The following RALYL variants were observed in gnomAD, a reference collection of about 807,000 sequenced individuals.
RALYL encodes the protein RALY RNA binding protein like, also known as RNA-binding Raly-like protein.
RALYL carries 29 observed loss-of-function variants against 35.1 expected under a neutral mutation model. The ratio of observed to expected loss-of-function variants is 0.83; its 90% CI spans 0.61 to 1.13. RALYL has a LOEUF of 1.13. Among genes scored for constraint, RALYL ranks in the 50% most tolerant of loss-of-function variants. RALYL has a pLI of 0.00. For missense variants in RALYL, 359 were observed against 360.4 expected (o/e 1.00, Z 0.03); for synonymous variants, 120 against 127.6 (o/e 0.94, Z 0.40).
intron 1 of RALYL, among the ~76,000 whole-genome samples, chr8:84,309,641 C>T (rs1026717390): frequency 2.6e-5 from 4 of 151,614 alleles, no homozygotes; most frequent in East Asian, 1.9e-4. Flanking sequence ...AGAAGTTAAA[C>T]GAAATAAGCA....
At chr8:84,538,952 T>G (rs531326919) in intron 2 of RALYL, among the ~76,000 whole-genome samples, 1 of 152,202 alleles carries the variant, frequency 6.6e-6, no homozygotes, top group Non-Finnish European at 1.5e-5. Flanking sequence ...GGATTTGAAT[T>G]TAACTGTTAC....
At chr8:84,816,986 T>TTATTATATTTATCTCTA (rs1306869209) in intron 4 of RALYL, among the ~76,000 whole-genome samples, 5 of 152,078 alleles carry the variant, frequency 3.3e-5, no homozygotes, top group African/African-American at 4.8e-5. Context: ...CAGAATTATT[T>TTATTATATTTATCTCTA]TATTATATTT....
intron 4 of RALYL, among the ~76,000 whole-genome samples, chr8:84,847,355 C>T (rs1834878402): frequency 6.6e-6 from 1 of 152,212 alleles, no homozygotes; most frequent in Non-Finnish European, 1.5e-5. Flanking sequence ...TGGCACTTGG[C>T]ATCCCCATGC....
At chr8:84,706,942 G>A (rs998715815) in intron 2 of RALYL, among the ~76,000 whole-genome samples, 18 of 151,922 alleles carry the variant, frequency 1.2e-4, no homozygotes, top group East Asian at 3.9e-4. Context: ...GACAGGTAAC[G>A]GCAACTTACT....
intron 1 of RALYL, among the ~76,000 whole-genome samples, chr8:84,259,206 A>G (rs1043765222): frequency 2.6e-5 from 4 of 152,192 alleles, no homozygotes; most frequent in South Asian, 2.1e-4. Context: ...ATTACTAATA[A>G]TTAGAGCTGT....
chr8:84,899,085 T>G (rs551454962), intron 8 of RALYL, among the ~76,000 whole-genome samples: 20 of 152,304 alleles, frequency 1.3e-4, no homozygotes, highest in Middle Eastern at 3.4e-3. Context: ...CACCGTGTCA[T>G]GACTCCATGC....
At chr8:84,517,371 G>A (rs2058144814) in intron 1 of RALYL, among the ~76,000 whole-genome samples, 1 of 152,190 alleles carries the variant, frequency 6.6e-6, no homozygotes, top group Non-Finnish European at 1.5e-5. Context: ...AAAGATACCT[G>A]TAGAATCACA....
chr8:84,670,530 A>T (rs186828896), intron 2 of RALYL, among the ~76,000 whole-genome samples: 145 of 152,334 alleles, frequency 9.5e-4, no homozygotes, highest in African/African-American at 3.2e-3. Flanking sequence ...ATTTATAAAG[A>T]AAAAGAGGTT....
At chr8:84,788,971 A>G (rs545412036) in intron 3 of RALYL, among the ~76,000 whole-genome samples, 4 of 152,204 alleles carry the variant, frequency 2.6e-5, no homozygotes, top group African/African-American at 4.8e-5. Flanking sequence ...GTGCCTGCCT[A>G]ATAATAACTG....
chr8:84,184,795 G>A, intron 1 of RALYL: 1 of 610,318 alleles, frequency 1.6e-6, no homozygotes, highest in Non-Finnish European at 2.9e-6. Flanking sequence ...AGCAGGAGGG[G>A]CGAGGGCCGT....
intron 2 of RALYL, among the ~76,000 whole-genome samples, chr8:84,695,237 C>T (rs948100037): frequency 5.3e-5 from 8 of 151,650 alleles, no homozygotes; most frequent in African/African-American, 1.9e-4. Context: ...TGTCACTAAC[C>T]TGTTCATGTC....
rs1563913604 is a variant in RALYL, at chr8:84,428,102, TCTCTCACACACACACACACACA to T, written c.-23-101195_-23-101174del. Among the ~76,000 whole-genome samples, 221 of 131,244 alleles carry T rather than the reference TCTCTCACACACACACACACACA, an allele frequency of 1.7e-3. 2 individuals carry two copies. Among genetic ancestry groups the T allele is most frequent in the African/African-American group, 5.7e-3 (180 of 31,374 alleles). The allele number at this position is 131,244 out of a possible 152,430, so 86.1% of individuals were successfully genotyped here. On this transcript the variant is annotated intron_variant, in intron 1 of 8. Transcript: ENST00000521268. ...GTCTCTCTCTCTCTCTCTCTCTCTC[TCTCTCACACACACACACACACA>T]CACACACACACACACACACGTGGTT... is the stretch of plus-strand genomic sequence containing the variant.
rs576774768 is a variant in RALYL, at chr8:84,839,907, C to T, written c.366-10073C>T. Among the ~76,000 whole-genome samples the T allele has an allele frequency of 6.3e-4, 96 of 152,304 alleles. 1 individual carries two copies. In the South Asian group the frequency reaches 0.019, roughly 30 times the overall value. Reference sequence around the variant, plus strand: ...CTCCAACAGACCTGCAGCTGAGGGTCCTGACTGTTAGAAGGAAAACTAACA... The same window carrying T: ...CTCCAACAGACCTGCAGCTGAGGGTTCTGACTGTTAGAAGGAAAACTAACA... On this transcript the variant is annotated intron_variant, in intron 4 of 8. Coordinates refer to ENST00000521268, the MANE Select transcript of RALYL (RefSeq NM_173848.7).
At chr8:84,650,602 G>A (rs1275778245) in intron 2 of RALYL, among the ~76,000 whole-genome samples, 3 of 151,970 alleles carry the variant, frequency 2.0e-5, no homozygotes. Context: ...GGAGAAATAG[G>A]AGCACTTTTA....
At chr8:84,861,877 C>T (rs906374392) in intron 5 of RALYL, among the ~76,000 whole-genome samples, 2 of 152,148 alleles carry the variant, frequency 1.3e-5, no homozygotes, top group African/African-American at 4.8e-5. Flanking sequence ...AAGATCTTTT[C>T]CTCTTTTAAA....
chr8:84,458,893 T>C (rs904074568), intron 1 of RALYL, among the ~76,000 whole-genome samples: 2 of 151,758 alleles, frequency 1.3e-5, no homozygotes, highest in African/African-American at 4.8e-5. Flanking sequence ...CAGATCACCT[T>C]CTGTCTTAGA....
In RALYL at chr8:84,222,698, T is replaced by C. The variant is rs140465512; in HGVS notation, c.-24+38274T>C. On this transcript the variant is annotated intron_variant, in intron 1 of 8. Coordinates refer to ENST00000521268, the MANE Select transcript of RALYL (RefSeq NM_173848.7). ...GGGTGTATTAAGTCACTTTGGCCAA[T>C]AGTAATCTGGTTCTTGCTGCATGCA... Among the ~76,000 whole-genome samples the C allele has an allele frequency of 4.1e-3, 623 of 152,146 alleles. 5 individuals are homozygous for C. Among genetic ancestry groups the C allele is most frequent in the African/African-American group, 0.014 (599 of 41,544 alleles).
chr8:84,527,437 T>A (rs2058983030), intron 1 of RALYL, among the ~76,000 whole-genome samples: 1 of 152,204 alleles, frequency 6.6e-6, no homozygotes, highest in South Asian at 2.1e-4. Context: ...TTTTAACCAA[T>A]GTATATCTGT....
intron 8 of RALYL, among the ~76,000 whole-genome samples, chr8:84,912,686 C>T (rs1031526951): frequency 6.6e-6 from 1 of 152,038 alleles, no homozygotes; most frequent in Non-Finnish European, 1.5e-5. Flanking sequence ...CTAAAAGTAA[C>T]TCCCACCAAG....
Sources: gnomAD v4.1 joint callset for allele counts (sites outside exome capture counted in the v4.1 genomes callset) on GRCh38, gnomAD v4.1.1 for gene constraint, MANE v1.5 for transcripts, NCBI Gene and HGNC (gene_info 2026-07-23, HGNC 2026-07-21) for gene names.